Variants in KCNJ3 observed in about 807,000 individuals in gnomAD.
KCNJ3 encodes potassium inwardly rectifying channel subfamily J member 3, also known as G protein-activated inward rectifier potassium channel 1.
A neutral mutation model predicts 39.2 loss-of-function variants in KCNJ3; 4 were observed. The observed-to-expected ratio is 0.10, with a 90% CI of 0.05 to 0.23. KCNJ3 has a LOEUF of 0.23. Among genes scored for constraint, KCNJ3 ranks in the 10% least tolerant of loss-of-function variants. The probability of loss-of-function intolerance (pLI) is 1.00; values close to 1 mark genes in which losing one functional copy is unlikely to be tolerated. For missense variants in KCNJ3, 276 were observed against 634.9 expected, an observed-to-expected ratio of 0.43 and a Z score of 6.08; for synonymous variants, 230 against 237.4, an observed-to-expected ratio of 0.97 and a Z score of 0.29.
chr2:154,736,557 A>G (rs887656628), intron 2 of KCNJ3, among the ~76,000 whole-genome samples: 1 of 152,038 alleles, frequency 6.6e-6, no homozygotes, highest in African/African-American at 2.4e-5. Context: ...ATTCTTACCA[A>G]CTCAGAGGGT....
chr2:154,762,825 C>T (rs956186329), intron 2 of KCNJ3, among the ~76,000 whole-genome samples: 2 of 152,116 alleles, frequency 1.3e-5, no homozygotes, highest in East Asian at 1.9e-4. Context: ...TGGCTATTGA[C>T]TTAAAAATGT....
At chr2:154,774,948 T>C (rs1686305842) in intron 2 of KCNJ3, among the ~76,000 whole-genome samples, 3 of 152,170 alleles carry the variant, frequency 2.0e-5, no homozygotes, top group Non-Finnish European at 4.4e-5. Context: ...AGGGTCTCAC[T>C]CTGTTGCCCA....
At chr2:154,846,859 A>C (rs959347526) in intron 2 of KCNJ3, among the ~76,000 whole-genome samples, 15 of 152,148 alleles carry the variant, frequency 9.9e-5, no homozygotes, top group Non-Finnish European at 1.8e-4. Context: ...TTCTTATTGA[A>C]GCTTTATTTT....
intron 2 of KCNJ3, among the ~76,000 whole-genome samples, chr2:154,781,053 A>G (rs2105203339): frequency 6.6e-6 from 1 of 152,286 alleles, no homozygotes; most frequent in South Asian, 2.1e-4. Flanking sequence ...AAGGCAAGAG[A>G]GTCAGCTTCA....
intron 2 of KCNJ3, among the ~76,000 whole-genome samples, chr2:154,745,689 C>T (rs1265752265): frequency 6.6e-6 from 1 of 151,962 alleles, no homozygotes; most frequent in Admixed American, 6.6e-5. Context: ...ATTTGGCCAT[C>T]TATTGATTGT....
At chr2:154,735,626 C>T (rs1324953496) in intron 2 of KCNJ3, among the ~76,000 whole-genome samples, 2 of 152,192 alleles carry the variant, frequency 1.3e-5, no homozygotes, top group Middle Eastern at 3.4e-3. Context: ...TAGTACAAAA[C>T]GTTTTTGATT....
At chr2:154,838,814 G>T (rs891460402) in intron 2 of KCNJ3, among the ~76,000 whole-genome samples, 17 of 152,120 alleles carry the variant, frequency 1.1e-4, no homozygotes, top group African/African-American at 4.1e-4. Context: ...AGAAAAAGAT[G>T]AAACATATGT....
chr2:154,798,941 G>A (rs1449541255), intron 2 of KCNJ3, among the ~76,000 whole-genome samples: 1 of 151,824 alleles, frequency 6.6e-6, no homozygotes, highest in Non-Finnish European at 1.5e-5. Context: ...GTGTGTGTGT[G>A]TGTATGCCAT....
At chr2:154,805,910 C>A (rs1421854729) in intron 2 of KCNJ3, among the ~76,000 whole-genome samples, 1 of 152,078 alleles carries the variant, frequency 6.6e-6, no homozygotes, top group Non-Finnish European at 1.5e-5. Flanking sequence ...TCTAATGTTT[C>A]AATGTTCTAC....
intron 2 of KCNJ3, among the ~76,000 whole-genome samples, chr2:154,821,134 C>G (rs1687165842): frequency 6.6e-6 from 1 of 152,140 alleles, no homozygotes; most frequent in East Asian, 1.9e-4. Context: ...GCCCTCATGC[C>G]CTTTGCACAC....
At chr2:154,758,307 T>G (rs1299329185) in intron 2 of KCNJ3, among the ~76,000 whole-genome samples, 1 of 152,086 alleles carries the variant, frequency 6.6e-6, no homozygotes, top group Non-Finnish European at 1.5e-5. Context: ...TGAATAAAAA[T>G]TAAAGACAAA....
At chr2:154,722,600 C>A (rs977932909) in intron 2 of KCNJ3, among the ~76,000 whole-genome samples, 1 of 152,092 alleles carries the variant, frequency 6.6e-6, no homozygotes, top group Admixed American at 6.6e-5. Flanking sequence ...GAAAACGTAG[C>A]ACTTTTAAGT....
rs2961974 is a variant in KCNJ3 at position 154,831,583 on chromosome 2, G to T, written c.920-23144G>T. Among the ~76,000 whole-genome samples the T allele has an allele frequency of 1.2e-4, 19 of 152,266 alleles. No individual in the cohort carries two copies. In the East Asian group the frequency reaches 3.7e-3, roughly 30 times the overall value. ...CAGTGTCCAATGGGCCACATGTATGGATGAGATGTGTCATTGAGGGAAAAC... is the reference window on the plus strand; with the variant it reads ...CAGTGTCCAATGGGCCACATGTATGTATGAGATGTGTCATTGAGGGAAAAC... On this transcript the variant is annotated intron_variant, in intron 2 of 2. Transcript: ENST00000295101.
intron 2 of KCNJ3, among the ~76,000 whole-genome samples, chr2:154,849,274 T>G (rs935147959): frequency 2.0e-5 from 3 of 152,180 alleles, no homozygotes; most frequent in Non-Finnish European, 4.4e-5. Context: ...CCTATAGAGA[T>G]ATTATTACTA....
intron 2 of KCNJ3, among the ~76,000 whole-genome samples, chr2:154,785,462 A>C (rs962954499): frequency 6.6e-6 from 1 of 152,170 alleles, no homozygotes; most frequent in African/African-American, 2.4e-5. Flanking sequence ...TAACAGTATG[A>C]AGAGGTGGGG....
chr2:154,790,796 G>T (rs1402351542), intron 2 of KCNJ3, among the ~76,000 whole-genome samples: 1 of 152,038 alleles, frequency 6.6e-6, no homozygotes, highest in African/African-American at 2.4e-5. Flanking sequence ...AAGACGTATG[G>T]AATATACAGC....
At chr2:154,815,045 G>C (rs528034585) in intron 2 of KCNJ3, among the ~76,000 whole-genome samples, 7 of 152,166 alleles carry the variant, frequency 4.6e-5, no homozygotes, top group Non-Finnish European at 8.8e-5. Flanking sequence ...GTGTGTATAC[G>C]GTATGCTGAA....
chr2:154,751,835 T>G (rs1012365390), intron 2 of KCNJ3, among the ~76,000 whole-genome samples: 5 of 152,010 alleles, frequency 3.3e-5, no homozygotes, highest in African/African-American at 9.7e-5. Context: ...TGTCTTCACA[T>G]ACTTTTCCTT....
In KCNJ3 at chr2:154,857,021, A is replaced by T. The variant is rs1400585395; in HGVS notation, c.*1708A>T. 6.6e-6 allele frequency: 1 copy of T among 152,158 alleles called. No homozygotes were observed. Among genetic ancestry groups the T allele is most frequent in the Non-Finnish European group, 1.5e-5 (1 of 68,024 alleles). The allele number at this position is 152,158 out of a possible 1,614,324, so 9.4% of individuals were successfully genotyped here. A position where few individuals can be genotyped will look rare whatever the true frequency, so the allele number is the denominator to read the frequency against. Reference sequence around the variant, plus strand: ...TTATTATTGGCAAATTAATACATCAACACTTAAATCATTGACTATAATAAT... The same window carrying T: ...TTATTATTGGCAAATTAATACATCATCACTTAAATCATTGACTATAATAAT... On this transcript the variant is annotated 3_prime_UTR_variant, in exon 3 of 3. Transcript: ENST00000295101.
Sources: gnomAD v4.1 joint callset for allele counts (sites outside exome capture counted in the v4.1 genomes callset) on GRCh38, gnomAD v4.1.1 for gene constraint, MANE v1.5 for transcripts, NCBI Gene and HGNC (gene_info 2026-07-23, HGNC 2026-07-21) for gene names.